ASB15: variants seen among roughly 807,000 people sequenced by gnomAD.
The protein encoded by ASB15 is ankyrin repeat and SOCS box containing 15, also known as ankyrin repeat and SOCS box protein 15.
Under a neutral mutation model 58.0 loss-of-function variants are expected in ASB15, and 54 were observed. That is an observed-to-expected ratio of 0.93 (90% confidence interval 0.75 to 1.17). The LOEUF is 1.17. Ranked by LOEUF, ASB15 falls within the 50% of genes most tolerant of loss-of-function variation. ASB15 has a pLI of 0.00. For missense variants in ASB15, 680 were observed against 707.4 expected (o/e 0.96, Z 0.44); for synonymous variants, 249 against 262.4 (o/e 0.95, Z 0.50).
At chr7:123,624,106 A>C (rs1396189266) in intron 7 of ASB15, among the ~76,000 whole-genome samples, 1 of 152,198 alleles carries the variant, frequency 6.6e-6, no homozygotes, top group Non-Finnish European at 1.5e-5. Flanking sequence ...CCTGATGAAC[A>C]TGATTTACAT....
At chr7:123,611,868 T>C (rs1800483811) in intron 3 of ASB15, among the ~76,000 whole-genome samples, 1 of 152,086 alleles carries the variant, frequency 6.6e-6, no homozygotes, top group South Asian at 2.1e-4. Flanking sequence ...CTGTGCTAGA[T>C]TGGCGTTGTT....
intron 1 of ASB15, among the ~76,000 whole-genome samples, chr7:123,575,620 A>G (rs1439873038): frequency 6.6e-6 from 1 of 151,992 alleles, no homozygotes; most frequent in Non-Finnish European, 1.5e-5. Context: ...ATAGTTACCC[A>G]AGCCATTATT....
upstream of ASB15, chr7:123,601,778 A>G (rs1431300719): frequency 6.6e-6 from 1 of 152,150 alleles, no homozygotes; most frequent in Non-Finnish European, 1.5e-5. Flanking sequence ...TCAGTTGTAC[A>G]AGGTCAGGTC....
chr7:123,612,335 TAGAGA>T (rs1172812185), intron 3 of ASB15: 1 of 152,174 alleles, frequency 6.6e-6, no homozygotes, highest in Non-Finnish European at 1.5e-5. Flanking sequence ...AGGGAAAAGA[TAGAGA>T]AAAGAAGAGA....
At chr7:123,591,108 C>T (rs1799526075) in intron 1 of ASB15, among the ~76,000 whole-genome samples, 1 of 151,750 alleles carries the variant, frequency 6.6e-6, no homozygotes, top group Non-Finnish European at 1.5e-5. Context: ...TTTGTCTGTT[C>T]TTGCTGTATA....
chr7:123,586,930 T>C (rs1264484282), intron 1 of ASB15, among the ~76,000 whole-genome samples: 1 of 151,410 alleles, frequency 6.6e-6, no homozygotes, highest in Non-Finnish European at 1.5e-5. Context: ...TACTATATTG[T>C]CTTGTTTACT....
At position 123,614,630 on chromosome 7, in the gene ASB15, C is replaced by A. The variant is rs769923192; in HGVS notation, c.107+21C>A. On this transcript the variant is annotated intron_variant, in intron 4 of 11. Coordinates refer to ENST00000451215, the MANE Select transcript of ASB15 (RefSeq NM_001290258.2). The stretch of plus-strand genomic sequence containing the variant: ...GAAAGGTAGTATTCAAACCAACTAT[C>A]CTCAGCAAAATTTCTTTATGGCATT... The A allele has an allele frequency of 3.4e-6, 5 of 1,470,354 alleles. No individual in the cohort carries two copies. In the East Asian group the frequency reaches 9.1e-5, roughly 27 times the overall value. 91.1% of individuals were successfully genotyped at this position (1,470,354 alleles called of 1,614,324 possible). A position where few individuals can be genotyped will look rare whatever the true frequency, so the allele number is the denominator to read the frequency against.
intron 1 of ASB15, among the ~76,000 whole-genome samples, chr7:123,580,788 A>G (rs1051034301): frequency 1.3e-5 from 2 of 152,044 alleles, no homozygotes; most frequent in African/African-American, 4.8e-5. Flanking sequence ...ATAAGGGCTT[A>G]GAGAAATGCT....
intron 11 of ASB15, among the ~76,000 whole-genome samples, chr7:123,635,583 C>CTTTTTT (rs5887149): frequency 1.2e-5 from 1 of 81,694 alleles, no homozygotes; most frequent in Non-Finnish European, 2.1e-5. Flanking sequence ...AAATTAATTG[C>CTTTTTT]TTTTTTTTTT....
At chr7:123,625,808 A>G (rs1023738521) in intron 8 of ASB15, among the ~76,000 whole-genome samples, 1 of 152,104 alleles carries the variant, frequency 6.6e-6, no homozygotes, top group South Asian at 2.1e-4. Flanking sequence ...TCTGCAAATG[A>G]CCTCTAGAAC....
chr7:123,568,711 CTA>C (rs1393650898), intron 1 of ASB15, among the ~76,000 whole-genome samples: 9 of 151,974 alleles, frequency 5.9e-5, no homozygotes, highest in Non-Finnish European at 8.8e-5. Context: ...GAGATAAAAA[CTA>C]TTTTGTGGGA....
At chr7:123,630,334 C>T (rs77753420) in intron 11 of ASB15, among the ~76,000 whole-genome samples, 1 of 151,924 alleles carries the variant, frequency 6.6e-6, no homozygotes, top group Non-Finnish European at 1.5e-5. Context: ...ATGAGTAATA[C>T]TACAGCTATA....
At chr7:123,610,114 G>T (rs1217822134) in intron 3 of ASB15, among the ~76,000 whole-genome samples, 5 of 152,170 alleles carry the variant, frequency 3.3e-5, no homozygotes, top group African/African-American at 1.2e-4. Flanking sequence ...GTCATCAAAT[G>T]CTGGCTGTTA....
chr7:123,614,273 A>C, intron 3 of ASB15: 6 of 429,490 alleles, frequency 1.4e-5, no homozygotes, highest in Non-Finnish European at 2.4e-5. Context: ...GAAAGTGCAA[A>C]TGCTCAAAGG....
intron 1 of ASB15, among the ~76,000 whole-genome samples, chr7:123,570,622 C>T (rs1436226014): frequency 6.6e-6 from 1 of 152,170 alleles, no homozygotes; most frequent in Admixed American, 6.5e-5. Flanking sequence ...TGAAATGACT[C>T]ACCTTGACAA....
At chr7:123,626,462 A>T (rs1354308863) in intron 8 of ASB15, among the ~76,000 whole-genome samples, 9 of 152,266 alleles carry the variant, frequency 5.9e-5, no homozygotes, top group African/African-American at 2.2e-4. Flanking sequence ...ACAGAGTGAG[A>T]TTCTGTCAAC....
upstream of ASB15, among the ~76,000 whole-genome samples, chr7:123,597,116 G>T (rs769281837): frequency 6.6e-6 from 1 of 152,154 alleles, no homozygotes; most frequent in African/African-American, 2.4e-5. Flanking sequence ...AAAAATCCTA[G>T]CAATAAACAA....
chr7:123,606,424 C>A (rs953437271), intron 2 of ASB15, among the ~76,000 whole-genome samples: 3 of 152,140 alleles, frequency 2.0e-5, no homozygotes, highest in African/African-American at 7.2e-5. Context: ...CCTGAGAGGG[C>A]TTTGTAAGCT....
chr7:123,625,034 A>C (rs1032202947), intron 8 of ASB15: 3 of 540,886 alleles, frequency 5.5e-6, no homozygotes, highest in Non-Finnish European at 9.8e-6. Context: ...TTACAAGCCC[A>C]GTCCTGATTG....
Sources: gnomAD v4.1 joint callset for allele counts (sites outside exome capture counted in the v4.1 genomes callset) on GRCh38, gnomAD v4.1.1 for gene constraint, MANE v1.5 for transcripts, NCBI Gene and HGNC (gene_info 2026-07-23, HGNC 2026-07-21) for gene names.